CACHD1: variants seen among roughly 807,000 people sequenced by gnomAD.
CACHD1 encodes cache domain containing 1.
In CACHD1, 71 loss-of-function variants were observed where a neutral mutation model predicts 138.7. That is an observed-to-expected ratio of 0.51 (90% confidence interval 0.42 to 0.62). The LOEUF (loss-of-function observed/expected upper bound fraction) is 0.62. Ranked by LOEUF, CACHD1 falls within the 20% of genes least tolerant of loss-of-function variation. The probability of loss-of-function intolerance (pLI) is 0.00; values close to 1 mark genes in which losing one functional copy is unlikely to be tolerated. For synonymous variants in CACHD1, 578 were observed against 591.5 expected (o/e 0.98, Z 0.33); for missense variants, 1,389 against 1,625.3 (o/e 0.85, Z 2.50).
rs1233040816 is a variant in CACHD1, at chr1:64,593,400, T to G, written c.411-9406T>G. On this transcript the variant is annotated intron_variant, in intron 3 of 26. Coordinates refer to ENST00000651257, the MANE Select transcript of CACHD1 (RefSeq NM_020925.4). Reference sequence around the variant, plus strand: ...AAAATATGATATAAAATGTTTAACCTTATATACATCTTATTTCTTATTATT... The same window carrying G: ...AAAATATGATATAAAATGTTTAACCGTATATACATCTTATTTCTTATTATT... 3.3e-5 allele frequency among the ~76,000 whole-genome samples: 5 copies of G among 152,216 alleles called. No individual in the cohort carries two copies. The East Asian group carries it at 7.7e-4, about 23-fold the overall frequency.
intron 26 of CACHD1, among the ~76,000 whole-genome samples, chr1:64,687,720 C>T (rs1171931201): frequency 1.3e-5 from 2 of 152,012 alleles, no homozygotes; most frequent in Non-Finnish European, 2.9e-5. Context: ...GAATGTTGTA[C>T]CAGGCAAAGC....
At chr1:64,682,625 G>A (rs1650229326) in intron 26 of CACHD1, among the ~76,000 whole-genome samples, 1 of 152,240 alleles carries the variant, frequency 6.6e-6, no homozygotes, top group South Asian at 2.1e-4. Context: ...CAAAGGACCA[G>A]TGTTTACAAA....
In CACHD1 at chr1:64,602,875, T is replaced by G; in HGVS notation, c.480T>G (p.Asn160Lys). ...ISCDRLSTTV[N>K]SRAFNPGRDL... ...GTGATCGACTTTCTACTACTGTTAATAGCCGGGCCTTCAATCCAGGACGAG... is the reference window on the plus strand; with the variant it reads ...GTGATCGACTTTCTACTACTGTTAAGAGCCGGGCCTTCAATCCAGGACGAG... Residue 160 changes from asparagine to lysine, a missense_variant, in exon 4 of 27, where the codon AAT becomes AAG. Asn to Lys is a moderately conservative substitution (Grantham distance 94). Around this residue, in one of 5 missense-constraint regions of CACHD1, gnomAD observed 1,000 missense variants for 1,114.7 expected, o/e 0.90. Coordinates refer to ENST00000651257, the MANE Select transcript of CACHD1 (RefSeq NM_020925.4). 1 of 1,613,536 alleles carries G rather than the reference T, an allele frequency of 6.2e-7. No homozygotes were observed. The highest frequency in any genetic ancestry group is 8.5e-7 in the Non-Finnish European group (1 of 1,179,662).
At chr1:64,569,807 T>C (rs778415064) in intron 2 of CACHD1, among the ~76,000 whole-genome samples, 1 of 152,014 alleles carries the variant, frequency 6.6e-6, no homozygotes, top group Non-Finnish European at 1.5e-5. Flanking sequence ...TCAAACTTCA[T>C]TTAACTAGAA....
chr1:64,656,368 T>C (rs1649261577), intron 12 of CACHD1, among the ~76,000 whole-genome samples: 1 of 152,192 alleles, frequency 6.6e-6, no homozygotes, highest in South Asian at 2.1e-4. Context: ...CTTATATTTA[T>C]ATCATTTTTA....
intron 4 of CACHD1, among the ~76,000 whole-genome samples, chr1:64,610,831 A>G (rs1295270258): frequency 6.6e-6 from 1 of 152,228 alleles, no homozygotes; most frequent in Non-Finnish European, 1.5e-5. Context: ...TGGGGGCTCC[A>G]ACCCCACATC....
intron 1 of CACHD1, among the ~76,000 whole-genome samples, chr1:64,490,666 C>G (rs1376162529): frequency 2.6e-5 from 4 of 152,140 alleles, no homozygotes; most frequent in Non-Finnish European, 5.9e-5. Flanking sequence ...AAATAGCTTG[C>G]CTTTTAAGAA....
intron 3 of CACHD1, among the ~76,000 whole-genome samples, chr1:64,598,155 A>G (rs1383109816): frequency 2.0e-5 from 3 of 152,164 alleles, no homozygotes; most frequent in Non-Finnish European, 4.4e-5. Context: ...TGAAGGGTAG[A>G]AAGATAAGCA....
rs770620629 is a variant in CACHD1, at chr1:64,632,583, C to T, written c.645-16C>T. ...CTAAACCAAGACTGACCCCAGAGAG[C>T]TTCTTCTCCCTCCAGACCCATCTAC... On this transcript the variant is annotated splice_polypyrimidine_tract_variant and intron_variant, in intron 5 of 26. Coordinates refer to ENST00000651257, the MANE Select transcript of CACHD1 (RefSeq NM_020925.4). The T allele has an allele frequency of 4.3e-6, 7 of 1,613,218 alleles. No homozygotes were observed. The African/African-American group carries it at 9.3e-5, about 22-fold the overall frequency.
At chr1:64,563,611 G>A (rs1646858752) in intron 2 of CACHD1, 1 of 152,088 alleles carries the variant, frequency 6.6e-6, no homozygotes, top group African/African-American at 2.4e-5. Flanking sequence ...AGCACTTTAT[G>A]TGCCCCGATG....
intron 2 of CACHD1, among the ~76,000 whole-genome samples, chr1:64,558,877 A>G (rs181579638): frequency 3.3e-5 from 5 of 152,240 alleles, no homozygotes; most frequent in African/African-American, 1.2e-4. Flanking sequence ...ACATCTTCCC[A>G]ACAAGCATAT....
intron 1 of CACHD1, among the ~76,000 whole-genome samples, chr1:64,471,766 TC>T (rs1646146830): frequency 6.6e-6 from 1 of 152,200 alleles, no homozygotes; most frequent in African/African-American, 2.4e-5. Flanking sequence ...GTTTATCATG[TC>T]CGTCCTCCTC....
intron 4 of CACHD1, among the ~76,000 whole-genome samples, chr1:64,617,209 G>C (rs1388007570): frequency 6.6e-6 from 1 of 151,774 alleles, no homozygotes; most frequent in Non-Finnish European, 1.5e-5. Context: ...TGCAGACCTA[G>C]TGAATCAGAA....
At chr1:64,671,753 G>A (rs1417345326) in intron 17 of CACHD1, 67 bp downstream of exon 17, 1 of 1,584,644 alleles carries the variant, frequency 6.3e-7, no homozygotes, top group Non-Finnish European at 8.7e-7. Flanking sequence ...GGTATCTCTA[G>A]TTGAATGGGA....
chr1:64,573,734 A>G (rs1260110758), intron 2 of CACHD1, among the ~76,000 whole-genome samples: 1 of 152,194 alleles, frequency 6.6e-6, no homozygotes, highest in African/African-American at 2.4e-5. Context: ...CAGTGGTTCA[A>G]GAGGATGAAT....
rs559475497 is a variant in CACHD1, at chr1:64,630,300, AT to A, written c.644+835del. ...ATACTTCATCTGTGCTTTTCCTAAG[AT>A]TTTTTTTTTTTTTTTCCTGAGATGG... On this transcript the variant is annotated intron_variant, in intron 5 of 26. Transcript: ENST00000651257. 7.4e-3 allele frequency among the ~76,000 whole-genome samples: 1,041 copies of A among 140,398 alleles called. 3 individuals carry two copies. Among genetic ancestry groups the A allele is most frequent in the Non-Finnish European group, 0.01 (655 of 64,540 alleles). The allele number at this position is 140,398 out of a possible 152,430, so 92.1% of individuals were successfully genotyped here. A position where few individuals can be genotyped will look rare whatever the true frequency, so the allele number is the denominator to read the frequency against.
intron 24 of CACHD1, 41 bp from the exon 25 acceptor site, chr1:64,681,217 T>C (rs1650161891): frequency 6.6e-7 from 1 of 1,514,422 alleles, no homozygotes; most frequent in Non-Finnish European, 9.2e-7. Context: ...TGATTTTGTT[T>C]GATTAAATAG....
intron 13 of CACHD1, among the ~76,000 whole-genome samples, chr1:64,661,899 C>A (rs1379018216): frequency 6.6e-6 from 1 of 152,128 alleles, no homozygotes; most frequent in African/African-American, 2.4e-5. Flanking sequence ...CTGAGGACAA[C>A]TATTTAATAA....
At chr1:64,492,459 A>T (rs1646282919) in intron 1 of CACHD1, among the ~76,000 whole-genome samples, 1 of 148,790 alleles carries the variant, frequency 6.7e-6, no homozygotes, top group Non-Finnish European at 1.5e-5. Context: ...CTGTGGGTAC[A>T]TTAATGCCAT....
Sources: allele counts gnomAD v4.1 joint callset (sites outside exome capture counted in the v4.1 genomes callset), GRCh38; gene constraint gnomAD v4.1.1; regional missense constraint gnomAD v4.1.1; transcripts MANE v1.5; gene names NCBI Gene and HGNC (gene_info 2026-07-23, HGNC 2026-07-21).